PMM2: variants seen among roughly 807,000 people sequenced by gnomAD.
The protein encoded by PMM2 is phosphomannomutase 2, also known as mannose-6-phosphate isomerase.
A neutral mutation model predicts 33.2 loss-of-function variants in PMM2; 35 were observed. The observed-to-expected ratio is 1.06, with a 90% CI of 0.81 to 1.40. The LOEUF (loss-of-function observed/expected upper bound fraction) is 1.40. Ranked by LOEUF, PMM2 falls within the 40% of genes most tolerant of loss-of-function variation. PMM2 has a pLI of 0.00. For synonymous variants in PMM2, 153 were observed against 114.7 expected, an observed-to-expected ratio of 1.33 and a Z score of -2.13; for missense variants, 386 against 306.0, an observed-to-expected ratio of 1.26 and a Z score of -1.95.
intron 2 of PMM2, among the ~76,000 whole-genome samples, chr16:8,803,594 GT>G (rs1216859186): frequency 6.6e-6 from 1 of 152,232 alleles, no homozygotes; most frequent in Non-Finnish European, 1.5e-5. Flanking sequence ...GGTACCTGAA[GT>G]TTGAGAATCC....
intron 7 of PMM2, among the ~76,000 whole-genome samples, chr16:8,835,849 G>C (rs1483588003): frequency 6.6e-6 from 1 of 151,818 alleles, no homozygotes; most frequent in African/African-American, 2.4e-5. Flanking sequence ...GGGAGTAGAG[G>C]TATCTTATAC....
chr16:8,836,627 G>A (rs781298302), intron 7 of PMM2, among the ~76,000 whole-genome samples: 3 of 152,050 alleles, frequency 2.0e-5, no homozygotes, highest in Non-Finnish European at 2.9e-5. Flanking sequence ...CACCTTGAAG[G>A]TGAGGTTAGT....
intron 2 of PMM2, among the ~76,000 whole-genome samples, chr16:8,803,247 A>T (rs1308737140): frequency 6.6e-6 from 1 of 152,220 alleles, no homozygotes; most frequent in African/African-American, 2.4e-5. Flanking sequence ...CAATCTCTTT[A>T]AAACTCTCTC....
chr16:8,797,848 A>T lies in PMM2; in HGVS notation c.-35A>T, dbSNP rs766596446. The T allele has an allele frequency of 4.4e-6, 7 of 1,606,102 alleles. No homozygotes were observed. Among genetic ancestry groups the T allele is most frequent in the Non-Finnish European group, 5.9e-6 (7 of 1,176,512 alleles). On this transcript the variant is annotated 5_prime_UTR_variant, in exon 1 of 8. Transcript: ENST00000268261. Reference sequence around the variant, plus strand: ...GTTCCGGGCCGAGTTCCTCGTGCCAACGTGTCTTGTAAGGTGCGGCTAGAA... The same window carrying T: ...GTTCCGGGCCGAGTTCCTCGTGCCATCGTGTCTTGTAAGGTGCGGCTAGAA...
At chr16:8,815,218 C>CTTTTTTT (rs59339190) in intron 7 of PMM2, among the ~76,000 whole-genome samples, 7 of 138,504 alleles carry the variant, frequency 5.1e-5, no homozygotes, top group African/African-American at 8.0e-5. Context: ...TATTTTCTTT[C>CTTTTTTT]TTTTTTTTTT....
At chr16:8,799,484 G>A (rs2060599142) in intron 1 of PMM2, among the ~76,000 whole-genome samples, 1 of 152,136 alleles carries the variant, frequency 6.6e-6, no homozygotes, top group South Asian at 2.1e-4. Flanking sequence ...TAAGGTGGAA[G>A]CTGTTCTAGT....
intron 7 of PMM2, among the ~76,000 whole-genome samples, chr16:8,831,736 T>G (rs2060811020): frequency 1.3e-5 from 2 of 152,166 alleles, no homozygotes; most frequent in Admixed American, 1.3e-4. Flanking sequence ...TGGGCTGCGG[T>G]GGGGAGACTC....
chr16:8,829,841 A>C (rs2060799730), intron 7 of PMM2, among the ~76,000 whole-genome samples: 1 of 152,210 alleles, frequency 6.6e-6, no homozygotes, highest in Non-Finnish European at 1.5e-5. Flanking sequence ...ATACAAACAC[A>C]TACAGCAAAA....
intron 7 of PMM2, among the ~76,000 whole-genome samples, chr16:8,826,005 C>T (rs1427116181): frequency 7.9e-5 from 12 of 152,142 alleles, no homozygotes; most frequent in Admixed American, 6.5e-5. Context: ...CTGCCTGCGT[C>T]GGCCTTCCAA....
chr16:8,831,174 A>T (rs1334752587), intron 7 of PMM2, among the ~76,000 whole-genome samples: 2 of 152,378 alleles, frequency 1.3e-5, no homozygotes, highest in East Asian at 1.9e-4. Flanking sequence ...TATAAACTGA[A>T]TTCCTCCCAA....
At chr16:8,836,003 T>A in intron 7 of PMM2, among the ~76,000 whole-genome samples, 1 of 74,050 alleles carries the variant, frequency 1.4e-5, no homozygotes, top group South Asian at 6.1e-4. Flanking sequence ...ATAAGGGAAC[T>A]GGGCAGGTGG....
intron 1 of PMM2, among the ~76,000 whole-genome samples, chr16:8,799,551 CTCTT>C (rs151245174): frequency 0.19 from 28,531 of 149,806 alleles, 2,812 homozygotes; most frequent in South Asian, 0.33. Context: ...ACAGTTCTGA[CTCTT>C]TTTTTTTTTT....
In PMM2 at chr16:8,848,651, C is replaced by G. The variant is rs1453107367; in HGVS notation, c.*826C>G. The G allele has an allele frequency of 6.6e-6, 1 of 152,142 alleles. No homozygotes were observed. The highest frequency in any genetic ancestry group is 1.5e-5 in the Non-Finnish European group (1 of 68,062). 9.4% of individuals were successfully genotyped at this position (152,142 alleles called of 1,614,324 possible). A position where few individuals can be genotyped will look rare whatever the true frequency, so the allele number is the denominator to read the frequency against. ...CGGTTCTTACCCAGGTCCAGAGAAA[C>G]CAACGCGGGATGTCAGACTTCACCA... On this transcript the variant is annotated 3_prime_UTR_variant, in exon 8 of 8. Transcript: ENST00000268261.
At chr16:8,812,895 CACTA>C (rs2060685245) in intron 6 of PMM2, 92 bp from the exon 7 acceptor site, 1 of 789,300 alleles carries the variant, frequency 1.3e-6, no homozygotes. Context: ...CTTGGCAACC[CACTA>C]ACTGACAAAA....
At chr16:8,832,129 G>T in intron 7 of PMM2, 1 of 985,310 alleles carries the variant, frequency 1.0e-6, no homozygotes, top group Non-Finnish European at 1.2e-6. Context: ...AGCTACTCTG[G>T]TATGCAAGCT....
intron 4 of PMM2, chr16:8,809,293 G>T (rs986553568): frequency 6.6e-6 from 1 of 152,164 alleles, no homozygotes. Flanking sequence ...TGTTTCATAG[G>T]GTTCCCAGGC....
chr16:8,839,729 T>C (rs2060876653), intron 7 of PMM2, among the ~76,000 whole-genome samples: 1 of 151,830 alleles, frequency 6.6e-6, no homozygotes, highest in Admixed American at 6.6e-5. Context: ...TGTGTGTAGT[T>C]GGACTTTGGA....
At chr16:8,841,019 T>A (rs1487572683) in intron 7 of PMM2, among the ~76,000 whole-genome samples, 1 of 152,066 alleles carries the variant, frequency 6.6e-6, no homozygotes, top group Non-Finnish European at 1.5e-5. Flanking sequence ...TCAAATGGAC[T>A]GTACCTACCC....
chr16:8,842,583 G>C (rs986967069), intron 7 of PMM2, among the ~76,000 whole-genome samples: 1 of 152,214 alleles, frequency 6.6e-6, no homozygotes, highest in Non-Finnish European at 1.5e-5. Context: ...TTAAGATCAA[G>C]TGTGGAATAG....
Sources: gnomAD v4.1 joint callset for allele counts (sites outside exome capture counted in the v4.1 genomes callset) on GRCh38, gnomAD v4.1.1 for gene constraint, MANE v1.5 for transcripts, NCBI Gene and HGNC (gene_info 2026-07-23, HGNC 2026-07-21) for gene names.